ZNF287: variants seen among roughly 807,000 people sequenced by gnomAD.
ZNF287 encodes zinc finger protein 287, also known as zinc finger protein with KRAB and SCAN domains 13.
A neutral mutation model predicts 73.7 loss-of-function variants in ZNF287; 31 were observed. The observed-to-expected ratio is 0.42, with a 90% CI of 0.32 to 0.57. ZNF287 has a LOEUF of 0.57. ZNF287 is among the 20% of genes least tolerant of loss of function. The pLI, the probability that ZNF287 is intolerant of heterozygous loss-of-function variation, is 0.13. For missense variants in ZNF287, 641 were observed against 909.3 expected (o/e 0.70, Z 3.79); for synonymous variants, 301 against 307.2 (o/e 0.98, Z 0.21).
intron 3 of ZNF287, among the ~76,000 whole-genome samples, chr17:16,564,059 T>C (rs1382226452): frequency 2.6e-5 from 4 of 152,324 alleles, no homozygotes; most frequent in Non-Finnish European, 5.9e-5. Flanking sequence ...TTAGCACTCA[T>C]GCATGCATTG....
At chr17:16,567,282 C>G in intron 2 of ZNF287, 47 bp downstream of exon 2, 1 of 1,564,944 alleles carries the variant, frequency 6.4e-7, no homozygotes, top group African/African-American at 1.4e-5. Flanking sequence ...TAGTTGTCTT[C>G]TTTAACCACC....
chr17:16,565,155 A>G (rs890454275), intron 3 of ZNF287, among the ~76,000 whole-genome samples: 1 of 151,834 alleles, frequency 6.6e-6, no homozygotes, highest in African/African-American at 2.4e-5. Flanking sequence ...CAGAAGTTTA[A>G]GACCAGCCTG....
In ZNF287 at chr17:16,552,341, A is replaced by G; in HGVS notation, c.1801T>C (p.Phe601Leu). 1 of 1,614,046 alleles carries G rather than the reference A, an allele frequency of 6.2e-7. No individual in the cohort carries two copies. Among genetic ancestry groups the G allele is most frequent in the Non-Finnish European group, 8.5e-7 (1 of 1,179,986 alleles). ...TGAGTAAGATTTGCACTCTGGCTGA[A>G]GGCTTTCCCACATATATTACATATA... is the stretch of plus-strand genomic sequence containing the variant. The part of the protein sequence containing the change: ...SYICNICGKA[F>L]SQSANLTQHH... The change falls in exon 6 of 6, where the codon TTC (phenylalanine) becomes CTC (leucine). Residue 601 changes from phenylalanine to leucine, a missense_variant. By Grantham distance (22) the Phe-to-Leu change is conservative. Coordinates refer to ENST00000395825, the MANE Select transcript of ZNF287 (RefSeq NM_020653.4). This position sits in a 1 kb window ranked among gnomAD's most constrained non-coding sequence, Gnocchi z 6.5.
intron 1 of ZNF287, chr17:16,568,564 C>T (rs1330100328): frequency 6.6e-6 from 1 of 152,272 alleles, no homozygotes; most frequent in African/African-American, 2.4e-5. Flanking sequence ...TCGAAGGAAA[C>T]CTTAGAACCG....
intron 2 of ZNF287, among the ~76,000 whole-genome samples, 198 bp from the exon 3 acceptor site, chr17:16,566,820 C>T (rs16959831): frequency 0.072 from 10,908 of 152,172 alleles, 1,329 homozygotes; most frequent in African/African-American, 0.25. Context: ...AAAACAAGCT[C>T]GCTCTAAAAA....
At chr17:16,557,552 G>A (rs954763896) in intron 5 of ZNF287, among the ~76,000 whole-genome samples, 1 of 151,994 alleles carries the variant, frequency 6.6e-6, no homozygotes, top group Non-Finnish European at 1.5e-5. Context: ...CTAACCAAAG[G>A]TAGATTCAAC....
chr17:16,563,063 G>T (rs1354703549), intron 5 of ZNF287, 83 bp downstream of exon 5: 6 of 1,120,974 alleles, frequency 5.4e-6, no homozygotes, highest in Non-Finnish European at 5.3e-6. Flanking sequence ...AAGTGACCTG[G>T]TCATATTTAA....
rs143024969 is a variant in ZNF287 at position 16,555,722 on chromosome 17, T to C, written c.716-2296A>G. ...CCAAATATGTATTTGTTGGTGCCTA[T>C]TATTACGTTTCTCGTATAATTACTT... On this transcript the variant is annotated intron_variant, in intron 5 of 5. Transcript: ENST00000395825. Among the ~76,000 whole-genome samples, 27 of 152,308 alleles carry C rather than the reference T, an allele frequency of 1.8e-4. No homozygotes were observed. In the East Asian group the frequency reaches 5.0e-3, roughly 28 times the overall value.
At chr17:16,555,237 AC>A (rs1402676178) in intron 5 of ZNF287, among the ~76,000 whole-genome samples, 1 of 152,088 alleles carries the variant, frequency 6.6e-6, no homozygotes, top group Non-Finnish European at 1.5e-5. Context: ...CAGCACTATT[AC>A]TGATATCAAT....
chr17:16,552,492 G>A lies in ZNF287; in HGVS notation c.1650C>T (p.Tyr550=), dbSNP rs754966099. The A allele has an allele frequency of 1.2e-6, 2 of 1,613,964 alleles. No homozygotes were observed. The highest frequency in any genetic ancestry group is 1.3e-5 in the African/African-American group (1 of 74,920). ...AATGAATTCTCTGATGTCGAATAAGGTAAGTACTCTGACTAAACACTTTCC... is the reference window on the plus strand; with the variant it reads ...AATGAATTCTCTGATGTCGAATAAGATAAGTACTCTGACTAAACACTTTCC... ...ECWKVFSQST[Y]LIRHQRIHSG... The change falls in exon 6 of 6, where the codon TAC becomes TAT. Residue 550 remains tyrosine (Y), a synonymous_variant. Coordinates refer to ENST00000395825, the MANE Select transcript of ZNF287 (RefSeq NM_020653.4). The surrounding 1 kb of genome is among the most constrained non-coding windows in gnomAD (Gnocchi z 6.5).
chr17:16,563,858 A>T (rs375322811), intron 3 of ZNF287, 33 bp from the exon 4 acceptor site: 9 of 1,606,826 alleles, frequency 5.6e-6, no homozygotes, highest in Non-Finnish European at 7.7e-6. Flanking sequence ...ACTCAGTTCA[A>T]GAACTAATGG....
At chr17:16,554,781 G>A (rs902385316) in intron 5 of ZNF287, among the ~76,000 whole-genome samples, 23 of 152,150 alleles carry the variant, frequency 1.5e-4, no homozygotes, top group African/African-American at 5.3e-4. Flanking sequence ...TTAGACAGAT[G>A]TGGTGGTGTG....
rs781421732 is a variant in ZNF287 at position 16,567,545 on chromosome 17, G to A, written c.187C>T (p.Pro63Ser). Residue 63 changes from proline (P) to serine (S), a missense_variant, in exon 2 of 6, where the codon CCT becomes TCT. Around this residue, in one of 2 missense-constraint regions of ZNF287, gnomAD observed 357 missense variants for 442.4 expected, o/e 0.81. Transcript: ENST00000395825. Reference protein sequence around the residue: ...RNFPYPDLAGPRKALSQLREL... With the variant: ...RNFPYPDLAGSRKALSQLREL... ...CGGAGTTGACTCAATGCCTTTCGAG[G>A]ACCAGCCAGGTCTGGGTATGGAAAA... 3 of 1,614,154 alleles carry A rather than the reference G, an allele frequency of 1.9e-6. No homozygotes were observed.
intron 5 of ZNF287, among the ~76,000 whole-genome samples, chr17:16,558,711 T>C (rs1322460855): frequency 1.3e-5 from 2 of 152,224 alleles, no homozygotes; most frequent in East Asian, 1.9e-4. Flanking sequence ...CTGGGTGCTA[T>C]GGCTCACACC....
chr17:16,568,286 A>C (rs1231037523), intron 1 of ZNF287, among the ~76,000 whole-genome samples: 3 of 152,110 alleles, frequency 2.0e-5, no homozygotes, highest in Non-Finnish European at 4.4e-5. Context: ...TCTCAACAAT[A>C]ACAAAGTGAA....
chr17:16,556,764 C>A (rs1174335032), intron 5 of ZNF287, among the ~76,000 whole-genome samples: 2 of 151,972 alleles, frequency 1.3e-5, no homozygotes, highest in Non-Finnish European at 2.9e-5. Context: ...ATTGTACATA[C>A]AACTGAAAAG....
rs750766208 is a variant in ZNF287 at position 16,567,520 on chromosome 17, C to T, written c.212G>A (p.Arg71Gln). 85 of 1,614,078 alleles carry T rather than the reference C, an allele frequency of 5.3e-5. 1 individual carries two copies. Among genetic ancestry groups the T allele is most frequent in the South Asian group, 4.6e-4 (42 of 91,090 alleles). ...AGPRKALSQL[R>Q]ELCLKWLRPE... ...TCTCAGCCACTTAAGGCAGAGCTCT[C>T]GGAGTTGACTCAATGCCTTTCGAGG... The change falls in exon 2 of 6, where the codon CGA becomes CAA. Residue 71 changes from arginine to glutamine, a missense_variant. By Grantham distance (43) the Arg-to-Gln change is conservative. Around this residue, in one of 2 missense-constraint regions of ZNF287, gnomAD observed 357 missense variants for 442.4 expected, o/e 0.81. Coordinates refer to ENST00000395825, the MANE Select transcript of ZNF287 (RefSeq NM_020653.4).
intron 5 of ZNF287, among the ~76,000 whole-genome samples, chr17:16,561,580 G>A (rs1907454740): frequency 6.6e-6 from 1 of 152,084 alleles, no homozygotes; most frequent in Admixed American, 6.5e-5. Flanking sequence ...AAATGCAATG[G>A]AAGATACACA....
rs1906303314 is a variant in ZNF287 at position 16,547,018 on chromosome 17, A to C, written c.*4838T>G. The stretch of plus-strand genomic sequence containing the variant: ...TCTAAGGGGCTAATAATTATGAAAG[A>C]TAGAGCCATGGGGAGAACAGAAACA... On this transcript the variant is annotated 3_prime_UTR_variant, in exon 6 of 6. Coordinates refer to ENST00000395825, the MANE Select transcript of ZNF287 (RefSeq NM_020653.4). Among the ~76,000 whole-genome samples the C allele has an allele frequency of 6.6e-6, 1 of 152,222 alleles. No homozygotes were observed. Among genetic ancestry groups the C allele is most frequent in the Admixed American group, 6.5e-5 (1 of 15,280 alleles).
Sources: allele counts gnomAD v4.1 joint callset (sites outside exome capture counted in the v4.1 genomes callset), GRCh38; gene constraint gnomAD v4.1.1; regional missense constraint gnomAD v4.1.1; non-coding constraint Gnocchi (gnomAD v3.1); transcripts MANE v1.5; gene names NCBI Gene and HGNC (gene_info 2026-07-23, HGNC 2026-07-21).